IL1RAPL1: variants seen among roughly 807,000 people sequenced by gnomAD.
IL1RAPL1 encodes the protein interleukin 1 receptor accessory protein like 1, also known as interleukin-1 receptor accessory protein-like 1.
IL1RAPL1 carries 3 observed loss-of-function variants against 48.4 expected under a neutral mutation model. The ratio of observed to expected loss-of-function variants is 0.06; its 90% CI spans 0.03 to 0.16. The LOEUF (loss-of-function observed/expected upper bound fraction) is 0.16, where lower values mean the gene tolerates loss of function less well. Ranked by LOEUF, IL1RAPL1 falls within the 10% of genes least tolerant of loss-of-function variation. The pLI, the probability that IL1RAPL1 is intolerant of heterozygous loss-of-function variation, is 1.00. For missense variants in IL1RAPL1, 349 were observed against 530.6 expected, an observed-to-expected ratio of 0.66 and a Z score of 3.36; for synonymous variants, 185 against 187.7, an observed-to-expected ratio of 0.99 and a Z score of 0.12.
chrX:28,643,350 G>A, intron 1 of IL1RAPL1, among the ~76,000 whole-genome samples: 1 of 111,248 alleles, frequency 9.0e-6, no homozygotes, highest in East Asian at 2.8e-4. Flanking sequence ...TTTCCCCAGA[G>A]TGAGTGGTTA....
At chrX:29,337,474 A>G (rs1388211750) in intron 3 of IL1RAPL1, among the ~76,000 whole-genome samples, 1 of 111,432 alleles carries the variant, frequency 9.0e-6, no homozygotes, top group Non-Finnish European at 1.9e-5. Flanking sequence ...TACTAGCTAA[A>G]ATAGGCGTCT....
intron 2 of IL1RAPL1, among the ~76,000 whole-genome samples, chrX:28,894,021 C>T (rs975800398): frequency 3.6e-5 from 4 of 111,984 alleles, no homozygotes; most frequent in Non-Finnish European, 5.6e-5. Flanking sequence ...TGGGATCTGA[C>T]GCCTTTTGTT....
intron 3 of IL1RAPL1, among the ~76,000 whole-genome samples, chrX:29,379,692 G>A (rs1387891997): frequency 1.8e-5 from 2 of 111,594 alleles, no homozygotes; most frequent in Non-Finnish European, 3.8e-5. Flanking sequence ...CCTTATACAC[G>A]GTTCCCAGAT....
At chrX:29,444,162 T>C (rs181552695) in intron 5 of IL1RAPL1, among the ~76,000 whole-genome samples, 7 of 109,626 alleles carry the variant, frequency 6.4e-5, no homozygotes, top group African/African-American at 2.0e-4. Context: ...GCCAATATGG[T>C]GAAACTCCAT....
chrX:29,943,108 C>G (rs1444708728), intron 9 of IL1RAPL1, among the ~76,000 whole-genome samples: 1 of 111,554 alleles, frequency 9.0e-6, no homozygotes, highest in Non-Finnish European at 1.9e-5. Context: ...TAACACTCCT[C>G]TTGGTTTACC....
At chrX:29,803,099 G>GCATACA (rs1930061321) in intron 6 of IL1RAPL1, among the ~76,000 whole-genome samples, 1 of 88,868 alleles carries the variant, frequency 1.1e-5, no homozygotes. Context: ...ATGTATACAT[G>GCATACA]TATACATATA....
At chrX:28,644,822 G>C (rs1259411790) in intron 1 of IL1RAPL1, among the ~76,000 whole-genome samples, 3 of 111,375 alleles carry the variant, frequency 2.7e-5, no homozygotes, top group African/African-American at 9.8e-5. Flanking sequence ...ATTTAGAGGG[G>C]ACCAGCAAGT....
At chrX:29,687,458 TGGAA>T (rs1349407661) in intron 6 of IL1RAPL1, among the ~76,000 whole-genome samples, 2 of 111,169 alleles carry the variant, frequency 1.8e-5, no homozygotes, top group Admixed American at 9.5e-5. Context: ...GTTGTTCTCA[TGGAA>T]GTAGGGAGTA....
chrX:29,174,910 T>TAA (rs1274082103), intron 2 of IL1RAPL1, among the ~76,000 whole-genome samples: 1 of 109,558 alleles, frequency 9.1e-6, no homozygotes, highest in Non-Finnish European at 1.9e-5. Flanking sequence ...CCGTCTCTAC[T>TAA]AAAAATACAA....
chrX:28,699,828 G>A (rs755322679), intron 1 of IL1RAPL1, among the ~76,000 whole-genome samples: 1 of 111,778 alleles, frequency 8.9e-6, no homozygotes, highest in Non-Finnish European at 1.9e-5. Flanking sequence ...TAGAAACAAC[G>A]AAAGGCCTTC....
chrX:29,737,970 A>C (rs1928092805), intron 6 of IL1RAPL1, among the ~76,000 whole-genome samples: 1 of 112,645 alleles, frequency 8.9e-6, no homozygotes, highest in Admixed American at 9.4e-5. Flanking sequence ...CTGTTCCAAC[A>C]TGATACAGAA....
intron 6 of IL1RAPL1, among the ~76,000 whole-genome samples, chrX:29,910,509 A>G (rs1932746507): frequency 8.9e-6 from 1 of 111,830 alleles, no homozygotes; most frequent in Admixed American, 9.7e-5. Flanking sequence ...GAATATTTTC[A>G]GTATTTCTTA....
At chrX:28,802,791 A>G (rs1430665246) in intron 2 of IL1RAPL1, among the ~76,000 whole-genome samples, 3 of 112,024 alleles carry the variant, frequency 2.7e-5, no homozygotes, top group Non-Finnish European at 1.9e-5. Context: ...AATATGTTCT[A>G]TAAAGCAATT....
rs1921058825 is a variant in IL1RAPL1, at chrX:28,831,615, GAAAGTTA to G, written c.82+42194_82+42200del. ...TTGGGGAAAGAGGGATGGAAATAGG[GAAAGTTA>G]AAATATAACAGTGTTTGTTATTTTT... is the stretch of plus-strand genomic sequence containing the variant. On this transcript the variant is annotated intron_variant, in intron 2 of 10. Transcript: ENST00000378993. Among the ~76,000 whole-genome samples the G allele has an allele frequency of 2.7e-5, 3 of 110,761 alleles. No individual in the cohort carries two copies. The South Asian group carries it at 1.2e-3, about 43-fold the overall frequency.
At chrX:28,706,047 A>G (rs1202577080) in intron 1 of IL1RAPL1, among the ~76,000 whole-genome samples, 4 of 111,986 alleles carry the variant, frequency 3.6e-5, no homozygotes, top group Non-Finnish European at 7.5e-5. Context: ...CAGGGTTCCA[A>G]TTGCTCCATG....
chrX:29,111,474 T>A (rs1457482382), intron 2 of IL1RAPL1, among the ~76,000 whole-genome samples: 1 of 111,777 alleles, frequency 8.9e-6, no homozygotes, highest in Non-Finnish European at 1.9e-5. Flanking sequence ...TATAAACATA[T>A]GGTGCTTTTT....
intron 2 of IL1RAPL1, among the ~76,000 whole-genome samples, chrX:28,853,488 C>T (rs6630780): frequency 1.2e-4 from 11 of 90,141 alleles, no homozygotes; most frequent in South Asian, 5.8e-4. Context: ...CATGTGTGTG[C>T]GCGCGCACAC....
rs772218639 is a variant in IL1RAPL1 at position 28,917,991 on chromosome X, G to T, written c.82+128566G>T. Among the ~76,000 whole-genome samples, 5 of 112,361 alleles carry T rather than the reference G, an allele frequency of 4.4e-5. No individual in the cohort carries two copies. The East Asian group carries it at 1.4e-3, about 31-fold the overall frequency. The stretch of plus-strand genomic sequence containing the variant: ...ATGAGGTTACTTTTTAAATGGGAAA[G>T]TTGAGCTCCATCTGCCTGAGGGCAC... On this transcript the variant is annotated intron_variant, in intron 2 of 10. Coordinates refer to ENST00000378993, the MANE Select transcript of IL1RAPL1 (RefSeq NM_014271.4).
chrX:29,875,973 A>G (rs1395606347), intron 6 of IL1RAPL1, among the ~76,000 whole-genome samples: 2 of 111,497 alleles, frequency 1.8e-5, no homozygotes, highest in Non-Finnish European at 3.8e-5. Context: ...GAATGACAGT[A>G]TGTGTATATT....
Sources: allele counts gnomAD v4.1 joint callset (sites outside exome capture counted in the v4.1 genomes callset), GRCh38; gene constraint gnomAD v4.1.1; transcripts MANE v1.5; gene names NCBI Gene and HGNC (gene_info 2026-07-23, HGNC 2026-07-21).